The following FZD4 variants were observed in gnomAD, a reference collection of about 807,000 sequenced individuals.
FZD4 encodes frizzled class receptor 4.
A neutral mutation model predicts 37.3 loss-of-function variants in FZD4; 16 were observed. The ratio of observed to expected loss-of-function variants is 0.43; its 90% CI spans 0.29 to 0.65. The LOEUF is 0.65. Among genes scored for constraint, FZD4 ranks in the 30% least tolerant of loss-of-function variants. The probability of loss-of-function intolerance (pLI) is 0.16; values close to 1 mark genes in which losing one functional copy is unlikely to be tolerated. For missense variants in FZD4, 599 were observed against 674.3 expected, an observed-to-expected ratio of 0.89 and a Z score of 1.24; for synonymous variants, 246 against 254.8, an observed-to-expected ratio of 0.97 and a Z score of 0.33.
At position 86,949,527 on chromosome 11, in the gene FZD4, C is replaced by A. The variant is rs1470025562; in HGVS notation, c.*1615G>T. On this transcript the variant is annotated 3_prime_UTR_variant, in exon 2 of 2. Transcript: ENST00000531380. ...CAGGTATGAGTTACAAGGAGAGCAA[C>A]CTGTGACATAGTCAATTTGTCCCCA... The A allele has an allele frequency of 6.6e-6, 1 of 152,126 alleles. No individual in the cohort carries two copies. The highest frequency in any genetic ancestry group is 1.5e-5 in the Non-Finnish European group (1 of 68,010). The allele number at this position is 152,126 out of a possible 1,614,324, so 9.4% of individuals were successfully genotyped here. A position where few individuals can be genotyped will look rare whatever the true frequency, so the allele number is the denominator to read the frequency against.
In FZD4 at chr11:86,950,928, G is replaced by A; in HGVS notation, c.*214C>T. 1 of 617,430 alleles carries A rather than the reference G, an allele frequency of 1.6e-6. No individual in the cohort carries two copies. The allele number at this position is 617,430 out of a possible 1,614,324, so 38.2% of individuals were successfully genotyped here. ...TCACAGCTTTGAAAGCCTCTAACTG[G>A]CTTTTCCATTTTGGATCATTCCAAA... On this transcript the variant is annotated 3_prime_UTR_variant, in exon 2 of 2. Transcript: ENST00000531380.
At chr11:86,952,579 C>G in intron 1 of FZD4, 109 bp from the exon 2 acceptor site, 2 of 1,210,964 alleles carry the variant, frequency 1.7e-6, no homozygotes, top group Non-Finnish European at 2.4e-6. Flanking sequence ...TAGGTATCTA[C>G]TTTTAAACCA....
Position 86,955,384 on chromosome 11 carries a change from T to C in FZD4, c.-299A>G. ...CGCGAGGCCAGCCAGCAGCCAGCGC[T>C]GCGCAGCTCTCACCGCCGGAGCCCT... is the stretch of plus-strand genomic sequence containing the variant. On this transcript the variant is annotated 5_prime_UTR_variant, in exon 1 of 2. Coordinates refer to ENST00000531380, the MANE Select transcript of FZD4 (RefSeq NM_012193.4). The C allele has an allele frequency of 3.6e-6, 1 of 279,390 alleles. No homozygotes were observed. The highest frequency in any genetic ancestry group is 6.6e-6 in the Non-Finnish European group (1 of 150,600). The allele number at this position is 279,390 out of a possible 1,614,324, so 17.3% of individuals were successfully genotyped here.
rs528411909 is a variant in FZD4 at position 86,950,969 on chromosome 11, A to C, written c.*173T>G. 2.8e-4 allele frequency: 195 copies of C among 701,876 alleles called. No individual in the cohort carries two copies. Among genetic ancestry groups the C allele is most frequent in the South Asian group, 1.3e-3 (75 of 59,264 alleles). The allele number at this position is 701,876 out of a possible 1,614,324, so 43.5% of individuals were successfully genotyped here. A position where few individuals can be genotyped will look rare whatever the true frequency, so the allele number is the denominator to read the frequency against. ...TCATTCCAAAGTCTGCAGCAAAATCATTGGTTTTTTGATGCTGGGGTCGGG... is the reference window on the plus strand; with the variant it reads ...TCATTCCAAAGTCTGCAGCAAAATCCTTGGTTTTTTGATGCTGGGGTCGGG... On this transcript the variant is annotated 3_prime_UTR_variant, in exon 2 of 2. Transcript: ENST00000531380.
In FZD4 at chr11:86,951,161, C is replaced by T. The variant is rs1949286997; in HGVS notation, c.1595G>A (p.Gly532Asp). ...CTAGCCTTATACCACAGTCTCACTG[C>T]CTTTTCCAGGCTTCACCCAACCATT... Reference protein sequence around the residue: ...RGNGWVKPGKGSETVV With the variant: ...RGNGWVKPGKDSETVV Residue 532 changes from glycine (G) to aspartate (D), a missense_variant, in exon 2 of 2, where the codon GGC becomes GAC. Around this residue, in one of 3 missense-constraint regions of FZD4, gnomAD observed 203 missense variants for 196.8 expected, o/e 1.03. Coordinates refer to ENST00000531380, the MANE Select transcript of FZD4 (RefSeq NM_012193.4). 2 of 1,614,106 alleles carry T rather than the reference C, an allele frequency of 1.2e-6. No individual in the cohort carries two copies. The highest frequency in any genetic ancestry group is 1.7e-6 in the Non-Finnish European group (2 of 1,179,942).
In FZD4 at chr11:86,955,090, A is replaced by T; in HGVS notation, c.-5T>A. 1 of 1,509,948 alleles carries T rather than the reference A, an allele frequency of 6.6e-7. No individual in the cohort carries two copies. The highest frequency in any genetic ancestry group is 8.8e-7 in the Non-Finnish European group (1 of 1,134,590). 93.5% of individuals were successfully genotyped at this position (1,509,948 alleles called of 1,614,324 possible). A position where few individuals can be genotyped will look rare whatever the true frequency, so the allele number is the denominator to read the frequency against. On this transcript the variant is annotated 5_prime_UTR_variant, in exon 1 of 2. Transcript: ENST00000531380. ...CCCTGCGCCCCGCCAGGCCATGGCCAGCATCGGGGGTAGCAGCGGCAGCGG... is the reference window on the plus strand; with the variant it reads ...CCCTGCGCCCCGCCAGGCCATGGCCTGCATCGGGGGTAGCAGCGGCAGCGG...
At chr11:86,953,826 A>G (rs976311587) in intron 1 of FZD4, among the ~76,000 whole-genome samples, 1 of 152,160 alleles carries the variant, frequency 6.6e-6, no homozygotes, top group Non-Finnish European at 1.5e-5. Context: ...CATGTTGGTC[A>G]GGCTGGTCTC....
chr11:86,955,143 G>C lies in FZD4; in HGVS notation c.-58C>G. ...GGGGCTGCTCTGGCAGACACCCCCA[G>C]TTTGCACGGGGGCGCCGGCTGCCCG... On this transcript the variant is annotated 5_prime_UTR_variant, in exon 1 of 2. Coordinates refer to ENST00000531380, the MANE Select transcript of FZD4 (RefSeq NM_012193.4). The C allele has an allele frequency of 7.6e-7, 1 of 1,307,898 alleles. No homozygotes were observed. The highest frequency in any genetic ancestry group is 9.9e-7 in the Non-Finnish European group (1 of 1,005,974). The allele number at this position is 1,307,898 out of a possible 1,614,324, so 81.0% of individuals were successfully genotyped here.
Position 86,954,901 on chromosome 11 carries a change from T to G in FZD4, c.185A>C (p.Lys62Thr), listed in dbSNP as rs1219039776. 2 of 1,613,664 alleles carry G rather than the reference T, an allele frequency of 1.2e-6. No homozygotes were observed. The highest frequency in any genetic ancestry group is 1.7e-6 in the Non-Finnish European group (2 of 1,179,930). Residue 62 changes from lysine to threonine, a missense_variant, in exon 1 of 2, where the codon AAG becomes ACG. Around this residue, in one of 3 missense-constraint regions of FZD4, gnomAD observed 357 missense variants for 396.1 expected, o/e 0.90. Coordinates refer to ENST00000531380, the MANE Select transcript of FZD4 (RefSeq NM_012193.4). ...MCQNLGYNVT[K>T]MPNLVGHELQ... ...CTCGTGCCCAACCAGGTTGGGCATCTTGGTCACGTTGTAGCCGAGGTTCTG... is the reference window on the plus strand; with the variant it reads ...CTCGTGCCCAACCAGGTTGGGCATCGTGGTCACGTTGTAGCCGAGGTTCTG...
chr11:86,950,723 A>T lies in FZD4; in HGVS notation c.*419T>A, dbSNP rs1461732413. On this transcript the variant is annotated 3_prime_UTR_variant, in exon 2 of 2. Transcript: ENST00000531380. ...GATTGCTTTGCTATCTGAAAGACCC[A>T]GTTAGTATTTAAAATGGTAAAGGGT... 4.0e-6 allele frequency: 1 copy of T among 247,698 alleles called. No homozygotes were observed. The highest frequency in any genetic ancestry group is 7.9e-6 in the Non-Finnish European group (1 of 126,418). The allele number at this position is 247,698 out of a possible 1,614,324, so 15.3% of individuals were successfully genotyped here.
chr11:86,951,411 T>C lies in FZD4; in HGVS notation c.1345A>G (p.Thr449Ala), dbSNP rs1949290799. 1.9e-6 allele frequency: 3 copies of C among 1,613,386 alleles called. No homozygotes were observed. Among genetic ancestry groups the C allele is most frequent in the South Asian group, 1.1e-5 (1 of 91,082 alleles). Residue 449 changes from threonine to alanine, a missense_variant, in exon 2 of 2, where the codon ACG becomes GCG. Physicochemically the swap from Thr to Ala is moderately conservative, Grantham distance 58 (BLOSUM62 0). Transcript: ENST00000531380. ...VFSVLYTVPATCVIACYFYEI... is the reference protein window; with the variant it reads ...VFSVLYTVPAACVIACYFYEI... ...TAAAAATAACAGGCAATCACACACG[T>C]TGCAGGAACTGTGTACAGTACTGAG...
chr11:86,951,327 C>A lies in FZD4; in HGVS notation c.1429G>T (p.Glu477Ter). 6.2e-7 allele frequency: 1 copy of A among 1,614,076 alleles called. No individual in the cohort carries two copies. Among genetic ancestry groups the A allele is most frequent in the Non-Finnish European group, 8.5e-7 (1 of 1,179,924 alleles). Reference protein sequence around the residue: ...YSADDSNMAVEMLKIFMSLLV... With the variant: ...YSADDSNMAV ...AAAGACATAAAAATTTTCAACATTT[C>A]AACAGCCATGTTGGAATCATCTGCA... The change falls in exon 2 of 2, where the codon GAA (glutamate) becomes TAA (stop). Residue 477 changes from glutamate (E) to a stop codon, truncating the protein, a stop_gained. Coordinates refer to ENST00000531380, the MANE Select transcript of FZD4 (RefSeq NM_012193.4). LOFTEE classifies it high-confidence loss of function.
Position 86,952,223 on chromosome 11 carries a change from C to T in FZD4, c.533G>A (p.Gly178Glu), listed in dbSNP as rs780500837. The change falls in exon 2 of 2, where the codon GGG (glycine) becomes GAG (glutamate). Residue 178 changes from glycine (G) to glutamate (E), a missense_variant. Transcript: ENST00000531380. ...PLPHKTPIQP[G>E]EECHSVGTNS... ...GGTTCCCACAGAGTGACACTCTTCC[C>T]CAGGCTGGATGGGGGTTTTGTGAGG... 3 of 1,613,976 alleles carry T rather than the reference C, an allele frequency of 1.9e-6. No homozygotes were observed. Among genetic ancestry groups the T allele is most frequent in the African/African-American group, 1.3e-5 (1 of 74,898 alleles).
rs772349259 is a variant in FZD4 at position 86,951,146 on chromosome 11, A to C, written c.1610T>G (p.Val537Gly). 2 of 1,613,994 alleles carry C rather than the reference A, an allele frequency of 1.2e-6. No homozygotes were observed. Among genetic ancestry groups the C allele is most frequent in the Non-Finnish European group, 1.7e-6 (2 of 1,179,850 alleles). Reference sequence around the variant, plus strand: ...AAGCATGGAGGCTGACTAGCCTTATACCACAGTCTCACTGCCTTTTCCAGG... The same window carrying C: ...AAGCATGGAGGCTGACTAGCCTTATCCCACAGTCTCACTGCCTTTTCCAGG... ...VKPGKGSETV[V>G] Residue 537 changes from valine (V) to glycine (G), a missense_variant, in exon 2 of 2, where the codon GTA (valine) becomes GGA (glycine). Val to Gly is a moderately radical substitution (Grantham distance 109). Coordinates refer to ENST00000531380, the MANE Select transcript of FZD4 (RefSeq NM_012193.4).
chr11:86,951,152 G>A lies in FZD4; in HGVS notation c.1604C>T (p.Thr535Ile). Residue 535 changes from threonine to isoleucine, a missense_variant, in exon 2 of 2, where the codon ACT (threonine) becomes ATT (isoleucine). Transcript: ENST00000531380. The part of the protein sequence containing the change: ...GWVKPGKGSE[T>I]VV ...GGAGGCTGACTAGCCTTATACCACAGTCTCACTGCCTTTTCCAGGCTTCAC... is the reference window on the plus strand; with the variant it reads ...GGAGGCTGACTAGCCTTATACCACAATCTCACTGCCTTTTCCAGGCTTCAC... The A allele has an allele frequency of 9.3e-6, 15 of 1,614,000 alleles. No individual in the cohort carries two copies. The highest frequency in any genetic ancestry group is 1.3e-5 in the Non-Finnish European group (15 of 1,179,870).
In FZD4 at chr11:86,946,079, G is replaced by C. The variant is rs1324143693; in HGVS notation, c.*5063C>G. 1 of 152,370 alleles carries C rather than the reference G, an allele frequency of 6.6e-6. No homozygotes were observed. Among genetic ancestry groups the C allele is most frequent in the Non-Finnish European group, 1.5e-5 (1 of 68,014 alleles). The allele number at this position is 152,370 out of a possible 1,614,324, so 9.4% of individuals were successfully genotyped here. A position where few individuals can be genotyped will look rare whatever the true frequency, so the allele number is the denominator to read the frequency against. On this transcript the variant is annotated 3_prime_UTR_variant, in exon 2 of 2. Coordinates refer to ENST00000531380, the MANE Select transcript of FZD4 (RefSeq NM_012193.4). Reference sequence around the variant, plus strand: ...AGAGCTCAAGGGGCCATCATTTTTTGACCTTTTCAAGCCTCACAACATCCC... The same window carrying C: ...AGAGCTCAAGGGGCCATCATTTTTTCACCTTTTCAAGCCTCACAACATCCC...
rs905779981 is a variant in FZD4, at chr11:86,949,871, A to G, written c.*1271T>C. The G allele has an allele frequency of 6.5e-6, 1 of 152,680 alleles. No homozygotes were observed. The highest frequency in any genetic ancestry group is 6.5e-5 in the Admixed American group (1 of 15,286). 9.5% of individuals were successfully genotyped at this position (152,680 alleles called of 1,614,324 possible). ...GAAATCTTACAAGGAGCCTTTGCCA[A>G]TTACTAGGAAACAATTACGCACCAA... is the stretch of plus-strand genomic sequence containing the variant. On this transcript the variant is annotated 3_prime_UTR_variant, in exon 2 of 2. Coordinates refer to ENST00000531380, the MANE Select transcript of FZD4 (RefSeq NM_012193.4).
rs925037547 is a variant in FZD4, at chr11:86,946,272, G to C, written c.*4870C>G. On this transcript the variant is annotated 3_prime_UTR_variant, in exon 2 of 2. Transcript: ENST00000531380. ...AGATGGACCCAACCTTTGTGGCGCAGAGTGGCTCTTGCCCCTCTTTTCAGA... is the reference window on the plus strand; with the variant it reads ...AGATGGACCCAACCTTTGTGGCGCACAGTGGCTCTTGCCCCTCTTTTCAGA... 6.6e-6 allele frequency: 1 copy of C among 152,212 alleles called. No homozygotes were observed. The highest frequency in any genetic ancestry group is 6.5e-5 in the Admixed American group (1 of 15,278). 9.4% of individuals were successfully genotyped at this position (152,212 alleles called of 1,614,324 possible).
chr11:86,953,862 G>C lies in FZD4; in HGVS notation c.285+939C>G, dbSNP rs191526999. ...GAACTCCTAACCTCGTGAGCCACCTGCCTCGGCCTCCCAAAGTGCTGGGAT... is the reference window on the plus strand; with the variant it reads ...GAACTCCTAACCTCGTGAGCCACCTCCCTCGGCCTCCCAAAGTGCTGGGAT... On this transcript the variant is annotated intron_variant, in intron 1 of 1. Coordinates refer to ENST00000531380, the MANE Select transcript of FZD4 (RefSeq NM_012193.4). 1.1e-4 allele frequency among the ~76,000 whole-genome samples: 17 copies of C among 152,186 alleles called. No homozygotes were observed. In the East Asian group the frequency reaches 1.5e-3, roughly 14 times the overall value.
Sources: gnomAD v4.1 joint callset for allele counts (sites outside exome capture counted in the v4.1 genomes callset) on GRCh38, gnomAD v4.1.1 for gene constraint, gnomAD v4.1.1 regional missense constraint, MANE v1.5 for transcripts, NCBI Gene and HGNC (gene_info 2026-07-23, HGNC 2026-07-21) for gene names.